The following GALC variants were observed in gnomAD, a reference collection of about 807,000 sequenced individuals.
GALC encodes galactosylceramidase.
GALC carries 77 observed loss-of-function variants against 91.8 expected under a neutral mutation model. The observed-to-expected ratio is 0.84, with a 90% CI of 0.70 to 1.01. The LOEUF (loss-of-function observed/expected upper bound fraction) is 1.01. Among genes scored for constraint, GALC ranks in the 50% least tolerant of loss-of-function variants. GALC has a pLI of 0.00. For synonymous variants in GALC, 357 were observed against 306.7 expected, an observed-to-expected ratio of 1.16 and a Z score of -1.71; for missense variants, 882 against 855.9, an observed-to-expected ratio of 1.03 and a Z score of -0.38.
chr14:87,934,522 T>C lies in GALC; in HGVS notation c.*210A>G, dbSNP rs1884487939. On this transcript the variant is annotated 3_prime_UTR_variant, in exon 17 of 17. Coordinates refer to ENST00000261304, the MANE Select transcript of GALC (RefSeq NM_000153.4). ...ATGTTAGGGAACACACCAGGTAATG[T>C]TAAAGATTCACCAGTTTTCCCCTTG... 7.0e-7 allele frequency: 1 copy of C among 1,436,232 alleles called. No individual in the cohort carries two copies. Among genetic ancestry groups the C allele is most frequent in the Admixed American group, 2.6e-5 (1 of 38,350 alleles). The allele number at this position is 1,436,232 out of a possible 1,614,324, so 89.0% of individuals were successfully genotyped here.
intron 2 of GALC, 114 bp from the exon 3 acceptor site, chr14:87,988,321 T>C (rs746003378): frequency 1.0e-4 from 127 of 1,249,602 alleles, no homozygotes; most frequent in Non-Finnish European, 1.3e-4. Context: ...AAACTTCAAA[T>C]AGCAATTTAT....
intron 3 of GALC, 108 bp from the exon 4 acceptor site, chr14:87,986,710 T>C (rs1886991312): frequency 1.4e-6 from 1 of 715,656 alleles, no homozygotes; most frequent in Non-Finnish European, 2.5e-6. Flanking sequence ...AAAGCAGTAT[T>C]CCAGTTCTAA....
Position 87,986,517 on chromosome 14 carries a change from C to G in GALC, c.414G>C (p.Lys138Asn), listed in dbSNP as rs977080847. The change falls in exon 4 of 17, where the codon AAG (lysine) becomes AAC (asparagine). Residue 138 changes from lysine (K) to asparagine (N), a missense_variant. Coordinates refer to ENST00000261304, the MANE Select transcript of GALC (RefSeq NM_000153.4). Reference protein sequence around the residue: ...GYEWWLMKEAKKRNPNITLIG... With the variant: ...GYEWWLMKEANKRNPNITLIG... The stretch of plus-strand genomic sequence containing the variant: ...TGAGTGTAATATTGGGATTCCTCTT[C>G]TTAGCTTCTTTCATCAACCACCACT... 2.5e-6 allele frequency: 4 copies of G among 1,610,544 alleles called. No homozygotes were observed. The African/African-American group carries it at 5.3e-5, about 22-fold the overall frequency.
Position 87,993,041 on chromosome 14 carries a change from C to T in GALC, c.124G>A (p.Ala42Thr), listed in dbSNP as rs745894260. The change falls in exon 1 of 17, where the codon GCG (alanine) becomes ACG (threonine). Residue 42 changes from alanine (A) to threonine (T), a missense_variant. Transcript: ENST00000261304. ...CCGTCGGAGTCGTCGAGCACGTACG[C>T]GCCGCCGGGCGCCAGCAGCGCACAC... The part of the protein sequence containing the change: ...LLCALLAPGG[A>T]YVLDDSDGLG... 7.1e-6 allele frequency: 11 copies of T among 1,554,756 alleles called. No individual in the cohort carries two copies. Among genetic ancestry groups the T allele is most frequent in the African/African-American group, 1.4e-5 (1 of 72,360 alleles).
intron 12 of GALC, among the ~76,000 whole-genome samples, chr14:87,949,301 G>A (rs1885207766): frequency 6.6e-6 from 1 of 152,028 alleles, no homozygotes; most frequent in South Asian, 2.1e-4. Context: ...AAGAAGACCA[G>A]TCTTCTACCT....
intron 7 of GALC, 86 bp downstream of exon 7, chr14:87,976,272 A>C (rs745384162): frequency 4.9e-6 from 7 of 1,442,796 alleles, no homozygotes; most frequent in Non-Finnish European, 6.8e-6. Context: ...GAATGTAATC[A>C]AATGGGGAGA....
chr14:87,939,905 C>T lies in GALC; in HGVS notation c.1911G>A (p.Lys637=), dbSNP rs773889597. The part of the protein sequence containing the change: ...KKWYTLTLTI[K]GHFTSGMLND... ...CCAGACTCCAATCAGCAATACTTAC[C>T]TTAATAGTTAACGTGAGTGTATACC... Residue 637 remains lysine, a splice_region_variant and synonymous_variant, in exon 16 of 17, where the codon AAG becomes AAA. Transcript: ENST00000261304. The T allele has an allele frequency of 1.3e-6, 2 of 1,595,956 alleles. No individual in the cohort carries two copies. Among genetic ancestry groups the T allele is most frequent in the Non-Finnish European group, 8.6e-7 (1 of 1,164,278 alleles).
intron 16 of GALC, among the ~76,000 whole-genome samples, chr14:87,936,025 T>A (rs1299262512): frequency 1.3e-5 from 2 of 151,852 alleles, no homozygotes; most frequent in Non-Finnish European, 2.9e-5. Context: ...AAATCACAGA[T>A]CACATTAAGC....
chr14:87,942,437 C>G (rs1884902097), intron 14 of GALC, among the ~76,000 whole-genome samples: 1 of 151,994 alleles, frequency 6.6e-6, no homozygotes, highest in South Asian at 2.1e-4. Context: ...CTCCAGGTTT[C>G]CTCTTACAAA....
chr14:87,968,598 T>C (rs1886155038), intron 7 of GALC, 108 bp from the exon 8 acceptor site: 23 of 1,108,198 alleles, frequency 2.1e-5, no homozygotes. Flanking sequence ...CAAGGTTTTC[T>C]ATTTTAAAAC....
At chr14:87,990,172 T>A (rs1228767321) in intron 1 of GALC, among the ~76,000 whole-genome samples, 1 of 152,222 alleles carries the variant, frequency 6.6e-6, no homozygotes, top group African/African-American at 2.4e-5. Flanking sequence ...ACTCACCTCT[T>A]AGTTCCTTAA....
At chr14:87,984,307 TA>T in intron 5 of GALC, 86 bp downstream of exon 5, 1 of 1,317,800 alleles carries the variant, frequency 7.6e-7, no homozygotes, top group Non-Finnish European at 1.1e-6. Flanking sequence ...ATAAAATGGT[TA>T]GTCAAAAAGT....
At chr14:87,947,063 A>G (rs1399569336) in intron 13 of GALC, among the ~76,000 whole-genome samples, 5 of 152,040 alleles carry the variant, frequency 3.3e-5, no homozygotes, top group Non-Finnish European at 7.4e-5. Context: ...TTTTAGGAGC[A>G]GATTACAAAG....
At chr14:87,970,146 C>A (rs1043824335) in intron 7 of GALC, among the ~76,000 whole-genome samples, 1 of 152,106 alleles carries the variant, frequency 6.6e-6, no homozygotes, top group East Asian at 1.9e-4. Flanking sequence ...CATTCTATTT[C>A]CATGAAATTC....
At chr14:87,947,023 C>A (rs987380093) in intron 13 of GALC, among the ~76,000 whole-genome samples, 1 of 151,926 alleles carries the variant, frequency 6.6e-6, no homozygotes, top group Non-Finnish European at 1.5e-5. Flanking sequence ...AATGCCAGCT[C>A]CCTCCCTATT....
chr14:87,963,638 G>T, intron 9 of GALC, 127 bp from the exon 10 acceptor site: 1 of 757,770 alleles, frequency 1.3e-6, no homozygotes, highest in Non-Finnish European at 2.2e-6. Context: ...CTATTTTGCA[G>T]GAATATATCC....
intron 4 of GALC, 140 bp from the exon 5 acceptor site, chr14:87,984,673 C>T (rs989551070): frequency 2.6e-6 from 2 of 762,820 alleles, no homozygotes; most frequent in African/African-American, 3.5e-5. Flanking sequence ...AGTTTATATA[C>T]CATATAAAAA....
At chr14:87,969,802 T>C (rs1246544228) in intron 7 of GALC, among the ~76,000 whole-genome samples, 2 of 152,194 alleles carry the variant, frequency 1.3e-5, no homozygotes, top group African/African-American at 2.4e-5. Context: ...CTAGTGAAGA[T>C]GAATTAGGGC....
chr14:87,937,675 G>A (rs1884640030), intron 16 of GALC, among the ~76,000 whole-genome samples: 2 of 151,660 alleles, frequency 1.3e-5, no homozygotes, highest in South Asian at 4.2e-4. Context: ...TCAAGAAGAA[G>A]GAACAGGATG....
Sources: allele counts gnomAD v4.1 joint callset (sites outside exome capture counted in the v4.1 genomes callset), GRCh38; gene constraint gnomAD v4.1.1; transcripts MANE v1.5; gene names NCBI Gene and HGNC (gene_info 2026-07-23, HGNC 2026-07-21).